TNFRSF19: variants seen among roughly 807,000 people sequenced by gnomAD.
TNFRSF19 encodes TNF receptor superfamily member 19.
Under a neutral mutation model 46.4 loss-of-function variants are expected in TNFRSF19, and 27 were observed. The observed-to-expected ratio is 0.58, with a 90% confidence interval of 0.43 to 0.80. The LOEUF (loss-of-function observed/expected upper bound fraction) is 0.80, where lower values mean the gene tolerates loss of function less well. Among genes scored for constraint, TNFRSF19 ranks in the 30% least tolerant of loss-of-function variants. TNFRSF19 has a pLI of 0.00. For synonymous variants in TNFRSF19, 204 were observed against 205.0 expected (o/e 1.00, Z 0.04); for missense variants, 511 against 530.8 (o/e 0.96, Z 0.37).
At chr13:23,605,626 A>G (rs1880460518) in intron 3 of TNFRSF19, among the ~76,000 whole-genome samples, 1 of 152,220 alleles carries the variant, frequency 6.6e-6, no homozygotes, top group African/African-American at 2.4e-5. Context: ...ATTACTCTGC[A>G]CTAGAAGGAA....
At position 23,592,534 on chromosome 13, in the gene TNFRSF19, A is replaced by G. The variant is rs1467146718; in HGVS notation, c.70-811A>G. Reference sequence around the variant, plus strand: ...GTTTTTGCCTAAGTATACATTTTCCATTTAAGTCCTATGCTGTGAACCAAA... The same window carrying G: ...GTTTTTGCCTAAGTATACATTTTCCGTTTAAGTCCTATGCTGTGAACCAAA... On this transcript the variant is annotated intron_variant, in intron 2 of 9. Transcript: ENST00000248484. Among the ~76,000 whole-genome samples the G allele has an allele frequency of 3.3e-5, 5 of 152,222 alleles. No individual in the cohort carries two copies. In the East Asian group the frequency reaches 7.7e-4, roughly 23 times the overall value.
At chr13:23,601,460 T>G (rs1474110251) in intron 3 of TNFRSF19, among the ~76,000 whole-genome samples, 1 of 152,138 alleles carries the variant, frequency 6.6e-6, no homozygotes, top group Non-Finnish European at 1.5e-5. Context: ...CCAGTAGACC[T>G]GCCATGTAAG....
chr13:23,640,148 A>T (rs1406145263), intron 5 of TNFRSF19, among the ~76,000 whole-genome samples: 1 of 152,168 alleles, frequency 6.6e-6, no homozygotes, highest in East Asian at 1.9e-4. Flanking sequence ...GTTATAAAAC[A>T]TGCTGTGGGA....
chr13:23,626,103 C>T (rs1206488339), intron 4 of TNFRSF19, among the ~76,000 whole-genome samples: 1 of 151,708 alleles, frequency 6.6e-6, no homozygotes, highest in Middle Eastern at 3.2e-3. Flanking sequence ...ATAATTAGTA[C>T]AATTTTTCAA....
At chr13:23,583,262 G>A (rs940972539) in intron 1 of TNFRSF19, among the ~76,000 whole-genome samples, 2 of 152,082 alleles carry the variant, frequency 1.3e-5, no homozygotes, top group African/African-American at 4.8e-5. Flanking sequence ...GGCCATAATA[G>A]TTCATTGTGG....
chr13:23,570,641 ACT>A lies in TNFRSF19; in HGVS notation c.-240_-239del, dbSNP rs1877583792. The A allele has an allele frequency of 6.6e-6, 1 of 152,094 alleles. No homozygotes were observed. 9.4% of individuals were successfully genotyped at this position (152,094 alleles called of 1,614,324 possible). On this transcript the variant is annotated 5_prime_UTR_variant, in exon 1 of 10. It introduces an in-frame stop codon into an upstream open reading frame of the 5' UTR. Transcript: ENST00000248484. The stretch of plus-strand genomic sequence containing the variant: ...CTTTGATATCCATGCATATATATAA[ACT>A]CAGCCCTGCCTTTGATGTTCAGCAA...
At chr13:23,667,857 CT>C in intron 7 of TNFRSF19, 122 bp from the exon 8 acceptor site, 9 of 764,362 alleles carry the variant, frequency 1.2e-5, no homozygotes, top group South Asian at 2.3e-5. Flanking sequence ...CCTTGTATTC[CT>C]TTTCCCCCAA....
In TNFRSF19 at chr13:23,674,598, CAG is replaced by C. The variant is rs980278719; in HGVS notation, c.*1220_*1221del. The C allele has an allele frequency of 6.6e-6, 1 of 152,204 alleles. No individual in the cohort carries two copies. The highest frequency in any genetic ancestry group is 1.5e-5 in the Non-Finnish European group (1 of 68,028). The allele number at this position is 152,204 out of a possible 1,614,324, so 9.4% of individuals were successfully genotyped here. The stretch of plus-strand genomic sequence containing the variant: ...ATTAGCATTGTCTCTAGAGCTAAGA[CAG>C]AAATTAACCCCGTTCAGTCACAAAG... On this transcript the variant is annotated 3_prime_UTR_variant, in exon 10 of 10. Coordinates refer to ENST00000248484, the MANE Select transcript of TNFRSF19 (RefSeq NM_148957.4).
At chr13:23,596,947 C>T (rs550766640) in intron 3 of TNFRSF19, among the ~76,000 whole-genome samples, 112 of 152,302 alleles carry the variant, frequency 7.4e-4, no homozygotes, top group African/African-American at 2.7e-3. Flanking sequence ...GAGAAACTCA[C>T]TCAAAGCCGC....
At chr13:23,573,853 G>A (rs1877782877) in intron 1 of TNFRSF19, among the ~76,000 whole-genome samples, 1 of 152,088 alleles carries the variant, frequency 6.6e-6, no homozygotes, top group Non-Finnish European at 1.5e-5. Context: ...ACGAGGTCAG[G>A]AGATCGAGAC....
chr13:23,635,495 C>T (rs1882621509), intron 5 of TNFRSF19, among the ~76,000 whole-genome samples: 1 of 152,138 alleles, frequency 6.6e-6, no homozygotes, highest in South Asian at 2.1e-4. Context: ...TCTTCTGCCT[C>T]AGCCTCCCAG....
At chr13:23,596,908 A>T (rs767220594) in intron 3 of TNFRSF19, among the ~76,000 whole-genome samples, 7 of 152,238 alleles carry the variant, frequency 4.6e-5, no homozygotes, top group Non-Finnish European at 8.8e-5. Flanking sequence ...CTCTCAGACC[A>T]CAGTGCAATC....
Position 23,620,926 on chromosome 13 carries a change from C to A in TNFRSF19, c.359+4881C>A, listed in dbSNP as rs945920133. 2.0e-5 allele frequency among the ~76,000 whole-genome samples: 3 copies of A among 152,214 alleles called. No homozygotes were observed. In the East Asian group the frequency reaches 5.8e-4, roughly 29 times the overall value. ...CTGTAAAGTAGGGATTCCTACCACCCCCTCTTAACAAAGAGGGAAACTGGT... is the reference window on the plus strand; with the variant it reads ...CTGTAAAGTAGGGATTCCTACCACCACCTCTTAACAAAGAGGGAAACTGGT... On this transcript the variant is annotated intron_variant, in intron 4 of 9. Coordinates refer to ENST00000248484, the MANE Select transcript of TNFRSF19 (RefSeq NM_148957.4).
intron 3 of TNFRSF19, among the ~76,000 whole-genome samples, chr13:23,612,318 C>G (rs1034333326): frequency 6.6e-6 from 1 of 152,076 alleles, no homozygotes; most frequent in African/African-American, 2.4e-5. Context: ...AACCACCCAG[C>G]TTTACTGAAT....
At chr13:23,628,788 T>C (rs1358623049) in intron 5 of TNFRSF19, among the ~76,000 whole-genome samples, 1 of 152,118 alleles carries the variant, frequency 6.6e-6, no homozygotes, top group Non-Finnish European at 1.5e-5. Flanking sequence ...TATACATATA[T>C]ATGTGTGTGT....
Position 23,595,162 on chromosome 13 carries a change from C to CA in TNFRSF19, c.180+1712dup, listed in dbSNP as rs1278681790. Among the ~76,000 whole-genome samples the CA allele has an allele frequency of 2.0e-5, 3 of 152,168 alleles. No individual in the cohort carries two copies. In the East Asian group the frequency reaches 5.8e-4, roughly 29 times the overall value. The stretch of plus-strand genomic sequence containing the variant: ...CCACAAAGATGAGGAAAAACCAGTG[C>CA]AAAAAGGCTGAAAATTCCAAAAACC... On this transcript the variant is annotated intron_variant, in intron 3 of 9. Transcript: ENST00000248484.
intron 5 of TNFRSF19, among the ~76,000 whole-genome samples, chr13:23,642,316 A>G (rs1349260765): frequency 6.6e-6 from 1 of 152,194 alleles, no homozygotes; most frequent in Non-Finnish European, 1.5e-5. Context: ...CCAGATTCTG[A>G]CATAATCATT....
Position 23,658,319 on chromosome 13 carries a change from TC to T in TNFRSF19, c.446-729del, listed in dbSNP as rs368878524. On this transcript the variant is annotated intron_variant, in intron 5 of 9. Coordinates refer to ENST00000248484, the MANE Select transcript of TNFRSF19 (RefSeq NM_148957.4). ...ATTTGAACAGATGGCAACTTGAAAT[TC>T]CAGTCAGTGTCTCAAGGTCACACAG... 2.1e-3 allele frequency among the ~76,000 whole-genome samples: 316 copies of T among 152,278 alleles called. 1 individual carries two copies. The highest frequency in any genetic ancestry group is 7.1e-3 in the African/African-American group (296 of 41,542).
At chr13:23,581,510 T>TA (rs1878430829) in intron 1 of TNFRSF19, among the ~76,000 whole-genome samples, 1 of 152,166 alleles carries the variant, frequency 6.6e-6, no homozygotes, top group South Asian at 2.1e-4. Flanking sequence ...AAAGTAGCTG[T>TA]AAAAGAGATT....
Sources: gnomAD v4.1 joint callset for allele counts (sites outside exome capture counted in the v4.1 genomes callset) on GRCh38, gnomAD v4.1.1 for gene constraint, MANE v1.5 for transcripts, NCBI Gene and HGNC (gene_info 2026-07-23, HGNC 2026-07-21) for gene names.